Variants in GRIP2 observed in about 807,000 individuals in gnomAD.
GRIP2 encodes the protein glutamate receptor interacting protein 2, also known as glutamate receptor-interacting protein 2.
In GRIP2, 58 loss-of-function variants were observed where a neutral mutation model predicts 108.3. The ratio of observed to expected loss-of-function variants is 0.54; its 90% CI spans 0.43 to 0.67. The LOEUF is 0.67. Ranked by LOEUF, GRIP2 falls within the 30% of genes least tolerant of loss-of-function variation. The probability of loss-of-function intolerance (pLI) is 0.00; values close to 1 mark genes in which losing one functional copy is unlikely to be tolerated. For missense variants in GRIP2, 1,278 were observed against 1,430.6 expected, an observed-to-expected ratio of 0.89 and a Z score of 1.72; for synonymous variants, 586 against 598.2, an observed-to-expected ratio of 0.98 and a Z score of 0.30.
chr3:14,556,845 C>T (rs1695244032), upstream of GRIP2, among the ~76,000 whole-genome samples: 1 of 152,220 alleles, frequency 6.6e-6, no homozygotes, highest in Non-Finnish European at 1.5e-5. Context: ...GGCAGATGGG[C>T]AGTGACTTGC....
At chr3:14,535,936 T>C (rs1416172403) in intron 1 of GRIP2, among the ~76,000 whole-genome samples, 1 of 152,216 alleles carries the variant, frequency 6.6e-6, no homozygotes, top group Admixed American at 6.5e-5. Context: ...AAGGGCTCGA[T>C]GGAGATGCCT....
upstream of GRIP2, chr3:14,542,201 G>A: frequency 3.6e-6 from 2 of 553,588 alleles, no homozygotes; most frequent in Non-Finnish European, 5.5e-6. Flanking sequence ...TGTCACCTGG[G>A]CTGGAGTGCA....
chr3:14,524,443 T>G lies in GRIP2; in HGVS notation c.353A>C (p.Asn118Thr). 1 of 1,605,730 alleles carries G rather than the reference T, an allele frequency of 6.2e-7. No homozygotes were observed. Among genetic ancestry groups the G allele is most frequent in the Non-Finnish European group, 8.5e-7 (1 of 1,176,444 alleles). ...RHDEIITLLK[N>T]VGERVVLEVE... Reference sequence around the variant, plus strand: ...CTCCAGCACCACGCGCTCGCCCACATTCTTGAGCAGGGTGATGATCTCATC... The same window carrying G: ...CTCCAGCACCACGCGCTCGCCCACAGTCTTGAGCAGGGTGATGATCTCATC... Residue 118 changes from asparagine to threonine, a missense_variant, in exon 4 of 24, where the codon AAT becomes ACT. Transcript: ENST00000621039.
At position 14,514,301 on chromosome 3, in the gene GRIP2, G is replaced by C; in HGVS notation, c.1484C>G (p.Pro495Arg). 6.4e-7 allele frequency: 1 copy of C among 1,560,674 alleles called. No individual in the cohort carries two copies. Among genetic ancestry groups the C allele is most frequent in the Non-Finnish European group, 8.7e-7 (1 of 1,153,164 alleles). Residue 495 changes from proline (P) to arginine (R), a missense_variant, in exon 12 of 24, where the codon CCG becomes CGG. Coordinates refer to ENST00000621039, the MANE Select transcript of GRIP2 (RefSeq NM_001080423.4). ...GGGGCAGGAGGCTCACCTCTCAGCC[G>C]GACTGTCAGGCTCGATGAAGCACAC... is the stretch of plus-strand genomic sequence containing the variant. ...PLVCFIEPDSPAERCGLLQVG... is the reference protein window; with the variant it reads ...PLVCFIEPDSRAERCGLLQVG...
intron 1 of GRIP2, among the ~76,000 whole-genome samples, chr3:14,530,604 A>T (rs1476294500): frequency 6.6e-6 from 1 of 152,200 alleles, no homozygotes. Flanking sequence ...ATTCCTAGGC[A>T]TTTAAAGTGT....
chr3:14,596,900 T>G, the GRIP2 span, among the ~76,000 whole-genome samples: 1 of 151,968 alleles, frequency 6.6e-6, no homozygotes, highest in Non-Finnish European at 1.5e-5. Flanking sequence ...GCCACCATAC[T>G]CAGCTGATTT....
the GRIP2 span, among the ~76,000 whole-genome samples, chr3:14,584,462 G>C: frequency 6.6e-6 from 1 of 152,212 alleles, no homozygotes; most frequent in Non-Finnish European, 1.5e-5. Context: ...GTGCATATCA[G>C]TGGACCTCTT....
At chr3:14,589,111 A>G in the GRIP2 span, among the ~76,000 whole-genome samples, 1 of 152,240 alleles carries the variant, frequency 6.6e-6, no homozygotes, top group African/African-American at 2.4e-5. Flanking sequence ...ATAAACTGGA[A>G]CAGCCTTCTT....
chr3:14,544,453 G>T (rs932057870), upstream of GRIP2, among the ~76,000 whole-genome samples: 32 of 152,162 alleles, frequency 2.1e-4, no homozygotes, highest in Admixed American at 1.3e-4. Context: ...CTTGTCGGGG[G>T]TGCCCCACCA....
the GRIP2 span, among the ~76,000 whole-genome samples, chr3:14,563,514 G>A: frequency 6.6e-6 from 1 of 152,108 alleles, no homozygotes; most frequent in Admixed American, 6.5e-5. Flanking sequence ...GCGTGGGCCT[G>A]GAGGGTCCGA....
chr3:14,582,731 C>T, the GRIP2 span, among the ~76,000 whole-genome samples: 6 of 152,212 alleles, frequency 3.9e-5, no homozygotes, highest in African/African-American at 1.4e-4. Context: ...CCGAGCATCT[C>T]AGCTGAGAGG....
chr3:14,497,203 A>G (rs904049383), intron 21 of GRIP2, among the ~76,000 whole-genome samples: 2 of 152,124 alleles, frequency 1.3e-5, no homozygotes, highest in Non-Finnish European at 2.9e-5. Context: ...CTGACCTCAC[A>G]TGATCCACCC....
the GRIP2 span, among the ~76,000 whole-genome samples, chr3:14,592,794 G>T: frequency 4.6e-5 from 7 of 151,976 alleles, no homozygotes; most frequent in Admixed American, 6.6e-5. Context: ...TGGAATTCTG[G>T]CCCCAAAACC....
rs533148275 is a variant in GRIP2, at chr3:14,504,511, C to T, written c.2574-840G>A. The stretch of plus-strand genomic sequence containing the variant: ...TATTTTTACTAGAGACGGGTTCCAC[C>T]GTGTCAGCCAGGATGGTCTCGATCT... On this transcript the variant is annotated intron_variant, in intron 20 of 23. Transcript: ENST00000621039. Among the ~76,000 whole-genome samples the T allele has an allele frequency of 3.9e-5, 6 of 152,128 alleles. No homozygotes were observed. The East Asian group carries it at 7.8e-4, about 20-fold the overall frequency.
chr3:14,589,258 G>C, the GRIP2 span, among the ~76,000 whole-genome samples: 1 of 152,114 alleles, frequency 6.6e-6, no homozygotes, highest in East Asian at 1.9e-4. Context: ...AATATACCTC[G>C]TGATAAAACA....
At chr3:14,556,785 C>T (rs894247709), upstream of GRIP2, among the ~76,000 whole-genome samples, 4 of 152,366 alleles carry the variant, frequency 2.6e-5, no homozygotes, top group East Asian at 1.9e-4. Context: ...TCTCATCCCA[C>T]ATCCTGACCC....
At chr3:14,577,157 T>A in the GRIP2 span, among the ~76,000 whole-genome samples, 1 of 152,364 alleles carries the variant, frequency 6.6e-6, no homozygotes, top group Non-Finnish European at 1.5e-5. Flanking sequence ...ATCTGTCAAT[T>A]TTTAGATCAA....
At chr3:14,513,901 T>C (rs28520469) in intron 12 of GRIP2, 91 bp from the exon 13 acceptor site, 713,033 of 1,452,994 alleles carry the variant, frequency 0.49, 179,507 homozygotes, top group East Asian at 0.77. Flanking sequence ...TGAACCTGGG[T>C]CACACCTCCT....
Position 14,509,963 on chromosome 3 carries a change from A to G in GRIP2, c.1935T>C (p.Asp645=). Residue 645 remains aspartate (D), a splice_region_variant and synonymous_variant, in exon 17 of 24, where the codon GAT becomes GAC. Coordinates refer to ENST00000621039, the MANE Select transcript of GRIP2 (RefSeq NM_001080423.4). The part of the protein sequence containing the change: ...LKIRKDEDNS[D]ELETTGAVSY... ...TGACGGCACCTGTGGTCTCCAGCTCATCTGCAAGCACGGGGACCCATGAGG... is the reference window on the plus strand; with the variant it reads ...TGACGGCACCTGTGGTCTCCAGCTCGTCTGCAAGCACGGGGACCCATGAGG... The G allele has an allele frequency of 6.7e-7, 1 of 1,500,052 alleles. No homozygotes were observed. Among genetic ancestry groups the G allele is most frequent in the East Asian group, 2.5e-5 (1 of 39,452 alleles). 92.9% of individuals were successfully genotyped at this position (1,500,052 alleles called of 1,614,324 possible).
Sources: allele counts gnomAD v4.1 joint callset (sites outside exome capture counted in the v4.1 genomes callset), GRCh38; gene constraint gnomAD v4.1.1; transcripts MANE v1.5; gene names NCBI Gene and HGNC (gene_info 2026-07-23, HGNC 2026-07-21).